The following CHSY3 variants were observed in gnomAD, a reference collection of about 807,000 sequenced individuals.
The protein encoded by CHSY3 is N-acetylgalactosaminyl-proteoglycan 3-beta-glucuronosyltransferase 3.
Under a neutral mutation model 67.2 loss-of-function variants are expected in CHSY3, and 35 were observed. That is an observed-to-expected ratio of 0.52 (90% CI 0.40 to 0.69). The LOEUF (loss-of-function observed/expected upper bound fraction) is 0.69, where lower values mean the gene tolerates loss of function less well. CHSY3 is among the 30% of genes least tolerant of loss of function. CHSY3 has a pLI of 0.00. For missense variants in CHSY3, 1,069 were observed against 1,138.5 expected, an observed-to-expected ratio of 0.94 and a Z score of 0.88; for synonymous variants, 474 against 434.7, an observed-to-expected ratio of 1.09 and a Z score of -1.12.
intron 2 of CHSY3, among the ~76,000 whole-genome samples, chr5:130,026,751 G>T (rs13161173): frequency 0.32 from 48,747 of 151,848 alleles, 7,977 homozygotes; most frequent in South Asian, 0.43. Context: ...TGCAAGCTTG[G>T]CATATTAATC....
At chr5:130,111,827 T>G (rs755428761) in intron 2 of CHSY3, among the ~76,000 whole-genome samples, 1 of 152,112 alleles carries the variant, frequency 6.6e-6, no homozygotes, top group Non-Finnish European at 1.5e-5. Flanking sequence ...ATGAGGTGAC[T>G]GTGGGTAAAA....
At chr5:130,113,433 A>G (rs936083957) in intron 2 of CHSY3, among the ~76,000 whole-genome samples, 9 of 152,208 alleles carry the variant, frequency 5.9e-5, no homozygotes, top group South Asian at 2.1e-4. Flanking sequence ...ATGTCACAAT[A>G]TGTATTTAAA....
At chr5:130,040,865 T>C (rs987318473) in intron 2 of CHSY3, among the ~76,000 whole-genome samples, 1 of 152,122 alleles carries the variant, frequency 6.6e-6, no homozygotes, top group Non-Finnish European at 1.5e-5. Context: ...GGCCCCTATA[T>C]GGTTCAATAC....
At chr5:130,029,968 T>C (rs1764660014) in intron 2 of CHSY3, among the ~76,000 whole-genome samples, 1 of 152,170 alleles carries the variant, frequency 6.6e-6, no homozygotes, top group Admixed American at 6.6e-5. Context: ...CCTTTTTCTT[T>C]GAATATTATA....
At chr5:129,912,416 T>C (rs889233721) in intron 2 of CHSY3, among the ~76,000 whole-genome samples, 3 of 152,118 alleles carry the variant, frequency 2.0e-5, no homozygotes, top group African/African-American at 7.2e-5. Flanking sequence ...CTCAAGGCAG[T>C]GGGAACCTCC....
At position 129,905,476 on chromosome 5, in the gene CHSY3, AGCCCCC is replaced by A. The variant is rs775822962; in HGVS notation, c.651_656del (p.Pro219_Pro220del). Reference sequence around the variant, plus strand: ...AGCCAGCAGCCCCCCAACGCCGGCCAGCCCCCGCCACCCCTGCCTGTCATCGCGCTA... The same window carrying A: ...AGCCAGCAGCCCCCCAACGCCGGCCAGCCACCCCTGCCTGTCATCGCGCTA... On this transcript the variant is annotated inframe_deletion, in exon 1 of 3. Transcript: ENST00000305031. 1.9e-6 allele frequency: 3 copies of A among 1,612,612 alleles called. No individual in the cohort carries two copies. In the African/African-American group the frequency reaches 4.0e-5, roughly 22 times the overall value.
chr5:130,139,410 G>A (rs1438422936), intron 2 of CHSY3, among the ~76,000 whole-genome samples: 1 of 152,214 alleles, frequency 6.6e-6, no homozygotes, highest in Admixed American at 6.5e-5. Context: ...TCACACTTTA[G>A]CCGGACATGA....
At chr5:130,175,235 A>T (rs1770009439) in intron 2 of CHSY3, among the ~76,000 whole-genome samples, 1 of 152,220 alleles carries the variant, frequency 6.6e-6, no homozygotes, top group African/African-American at 2.4e-5. Flanking sequence ...GAGCCAAATC[A>T]TCAGTGAACT....
intron 2 of CHSY3, among the ~76,000 whole-genome samples, chr5:129,931,303 C>A (rs12514412): frequency 0.56 from 85,459 of 151,940 alleles, 24,106 homozygotes; most frequent in Middle Eastern, 0.63. Flanking sequence ...GCTCTAAATG[C>A]GAGCCTATTA....
intron 2 of CHSY3, among the ~76,000 whole-genome samples, chr5:130,048,468 T>C (rs1324440192): frequency 6.6e-6 from 1 of 152,092 alleles, no homozygotes; most frequent in Admixed American, 6.6e-5. Context: ...GTATAATTAA[T>C]ACAGCAGGTG....
At chr5:129,968,198 AT>A (rs1261046883) in intron 2 of CHSY3, among the ~76,000 whole-genome samples, 2 of 151,838 alleles carry the variant, frequency 1.3e-5, no homozygotes, top group East Asian at 3.9e-4. Context: ...GTGATATCTC[AT>A]AATATACATC....
rs139303315 is a variant in CHSY3 at position 130,008,372 on chromosome 5, C to T, written c.1086+100012C>T. On this transcript the variant is annotated intron_variant, in intron 2 of 2. Transcript: ENST00000305031. ...CCAAGAGTGCTAAACTGAGCCTTGGCCCCCTGAAATCATTGAGAAATGAAG... is the reference window on the plus strand; with the variant it reads ...CCAAGAGTGCTAAACTGAGCCTTGGTCCCCTGAAATCATTGAGAAATGAAG... 6.2e-4 allele frequency among the ~76,000 whole-genome samples: 94 copies of T among 152,262 alleles called. No individual in the cohort carries two copies. The East Asian group carries it at 0.015, about 24-fold the overall frequency.
chr5:130,045,407 CA>C (rs1230574779), intron 2 of CHSY3, among the ~76,000 whole-genome samples: 1 of 151,920 alleles, frequency 6.6e-6, no homozygotes, highest in African/African-American at 2.4e-5. Context: ...GGGCTTCTGG[CA>C]GTAACAAAGT....
intron 2 of CHSY3, among the ~76,000 whole-genome samples, chr5:129,937,823 C>T (rs984394788): frequency 6.6e-6 from 1 of 152,140 alleles, no homozygotes; most frequent in Non-Finnish European, 1.5e-5. Flanking sequence ...CCATGTCTCA[C>T]ATCCAGGCTA....
intron 2 of CHSY3, among the ~76,000 whole-genome samples, chr5:130,096,069 C>T (rs903833303): frequency 6.6e-6 from 1 of 152,134 alleles, no homozygotes; most frequent in Non-Finnish European, 1.5e-5. Flanking sequence ...GAAACTGTTA[C>T]GGACTCAGGG....
Position 130,112,480 on chromosome 5 carries a change from T to G in CHSY3, c.1087-71749T>G, listed in dbSNP as rs145042460. ...TTCAAGTTTCTGCTGCTTCTGCTGG[T>G]GGTCTGCTAAGCACATGTGGAGAAC... On this transcript the variant is annotated intron_variant, in intron 2 of 2. Coordinates refer to ENST00000305031, the MANE Select transcript of CHSY3 (RefSeq NM_175856.5). 3.0e-3 allele frequency among the ~76,000 whole-genome samples: 451 copies of G among 152,222 alleles called. 1 individual carries two copies. Among genetic ancestry groups the G allele is most frequent in the African/African-American group, 0.01 (432 of 41,544 alleles).
intron 2 of CHSY3, among the ~76,000 whole-genome samples, chr5:129,967,273 C>A (rs1162851966): frequency 6.6e-6 from 1 of 151,712 alleles, no homozygotes; most frequent in Non-Finnish European, 1.5e-5. Context: ...TAAGAGTCAA[C>A]ATTTGATACA....
chr5:130,049,926 T>C (rs1765281647), intron 2 of CHSY3, among the ~76,000 whole-genome samples: 1 of 152,034 alleles, frequency 6.6e-6, no homozygotes, highest in African/African-American at 2.4e-5. Context: ...GCAAAATTTC[T>C]CTATGGTTTG....
intron 2 of CHSY3, among the ~76,000 whole-genome samples, chr5:130,069,409 G>A (rs59602877): frequency 0.013 from 1,948 of 152,064 alleles, 37 homozygotes; most frequent in African/African-American, 0.045. Context: ...CCAACATTTT[G>A]GGAGGATGAG....
Sources: gnomAD v4.1 joint callset for allele counts (sites outside exome capture counted in the v4.1 genomes callset) on GRCh38, gnomAD v4.1.1 for gene constraint, MANE v1.5 for transcripts, NCBI Gene and HGNC (gene_info 2026-07-23, HGNC 2026-07-21) for gene names.